LMO1: variants seen among roughly 807,000 people sequenced by gnomAD.
LMO1 encodes the protein rhombotin-1.
A neutral mutation model predicts 18.0 loss-of-function variants in LMO1; 10 were observed. The ratio of observed to expected loss-of-function variants is 0.55; its 90% CI spans 0.34 to 0.94. LMO1 has a LOEUF of 0.94. LMO1 is among the 40% of genes least tolerant of loss of function. The pLI, the probability that LMO1 is intolerant of heterozygous loss-of-function variation, is 0.02. For missense variants in LMO1, 183 were observed against 205.7 expected (o/e 0.89, Z 0.68); for synonymous variants, 77 against 77.9 (o/e 0.99, Z 0.06).
chr11:8,252,334 G>A (rs1847016014), intron 1 of LMO1, among the ~76,000 whole-genome samples: 1 of 152,122 alleles, frequency 6.6e-6, no homozygotes, highest in Non-Finnish European at 1.5e-5. Flanking sequence ...AGGTGACCCA[G>A]GAGTCCTCCT....
chr11:8,258,775 A>G (rs1565188456), intron 1 of LMO1, among the ~76,000 whole-genome samples: 2 of 152,194 alleles, frequency 1.3e-5, no homozygotes, highest in African/African-American at 4.8e-5. Context: ...TGCTAAAGGC[A>G]TCTTTGAGGA....
chr11:8,236,193 ATT>A (rs36082497), intron 1 of LMO1, among the ~76,000 whole-genome samples: 15 of 144,188 alleles, frequency 1.0e-4, no homozygotes, highest in Non-Finnish European at 1.2e-4. Context: ...TAGCCTTGGT[ATT>A]TTTTTTTTTT....
intron 1 of LMO1, among the ~76,000 whole-genome samples, chr11:8,259,730 T>A (rs3794010): frequency 0.26 from 39,913 of 151,968 alleles, 5,393 homozygotes; most frequent in Non-Finnish European, 0.28. Context: ...AGAACATGAG[T>A]GTCTATCCTA....
intron 1 of LMO1, among the ~76,000 whole-genome samples, chr11:8,262,978 A>T (rs1318862995): frequency 6.6e-6 from 1 of 152,116 alleles, no homozygotes; most frequent in Non-Finnish European, 1.5e-5. Flanking sequence ...GCAGCCTCAG[A>T]CACGAAATGC....
chr11:8,262,783 C>T (rs1847208271), intron 1 of LMO1, among the ~76,000 whole-genome samples: 1 of 152,216 alleles, frequency 6.6e-6, no homozygotes, highest in South Asian at 2.1e-4. Flanking sequence ...CAGATGTCCC[C>T]CGGAGGGTCC....
At chr11:8,260,976 G>A (rs1400083435) in intron 1 of LMO1, among the ~76,000 whole-genome samples, 2 of 152,174 alleles carry the variant, frequency 1.3e-5, no homozygotes, top group Non-Finnish European at 2.9e-5. Flanking sequence ...TGGTTTGGAG[G>A]AGCAGATGAG....
upstream of LMO1, chr11:8,268,317 C>T: frequency 1.1e-6 from 1 of 938,564 alleles, no homozygotes; most frequent in Non-Finnish European, 1.5e-6. Flanking sequence ...CCCGCGGGTG[C>T]TGAGGGCTCT....
At chr11:8,266,608 G>A (rs1847263842), upstream of LMO1, among the ~76,000 whole-genome samples, 1 of 152,236 alleles carries the variant, frequency 6.6e-6, no homozygotes, top group South Asian at 2.1e-4. Flanking sequence ...TAAGGAGAAA[G>A]TGGGTGCTAC....
At chr11:8,240,359 A>C (rs1054801038) in intron 1 of LMO1, among the ~76,000 whole-genome samples, 2 of 152,152 alleles carry the variant, frequency 1.3e-5, no homozygotes, top group Non-Finnish European at 2.9e-5. Flanking sequence ...CCATGACATA[A>C]AGGGACTGAG....
Position 8,224,648 on chromosome 11 carries a change from G to A in LMO1, c.439C>T (p.Leu147Phe), listed in dbSNP as rs1194536551. ...LCQMDYEEGQ[L>F]NGTFESQVQ ...ACTTGGGATTCAAAGGTGCCATTGA[G>A]CTGCCCTTCCTCATAGTCCATCTGA... The change falls in exon 4 of 4, where the codon CTC (leucine) becomes TTC (phenylalanine). Residue 147 changes from leucine (L) to phenylalanine (F), a missense_variant. Coordinates refer to ENST00000335790, the MANE Select transcript of LMO1 (RefSeq NM_002315.3). The A allele has an allele frequency of 1.2e-6, 2 of 1,609,862 alleles. No individual in the cohort carries two copies. The highest frequency in any genetic ancestry group is 1.7e-6 in the Non-Finnish European group (2 of 1,177,802).
intron 1 of LMO1, among the ~76,000 whole-genome samples, chr11:8,235,608 A>G (rs931610400): frequency 2.6e-5 from 4 of 152,218 alleles, no homozygotes; most frequent in African/African-American, 9.6e-5. Context: ...TGTCAAGTTT[A>G]GTCTACTTAC....
rs1952492002 is a variant in LMO1, at chr11:8,224,311, C to A, written c.*305G>T. The A allele has an allele frequency of 2.5e-6, 1 of 395,354 alleles. No homozygotes were observed. The allele number at this position is 395,354 out of a possible 1,614,324, so 24.5% of individuals were successfully genotyped here. On this transcript the variant is annotated 3_prime_UTR_variant, in exon 4 of 4. Coordinates refer to ENST00000335790, the MANE Select transcript of LMO1 (RefSeq NM_002315.3). The stretch of plus-strand genomic sequence containing the variant: ...CATGTGAACAACGCAGAGTAACCTC[C>A]CGGAAACATTCATAAGTTTAATCCA...
chr11:8,268,279 C>T, upstream of LMO1: 1 of 550,816 alleles, frequency 1.8e-6, no homozygotes, highest in African/African-American at 2.0e-5. Flanking sequence ...GCCGCGCTTC[C>T]GGGAAGCCAC....
chr11:8,238,247 A>G (rs1952795867), intron 1 of LMO1, among the ~76,000 whole-genome samples: 3 of 152,258 alleles, frequency 2.0e-5, no homozygotes, highest in Admixed American at 1.3e-4. Flanking sequence ...TGAATTACTA[A>G]TATATACTAC....
At chr11:8,228,943 A>G (rs1952600389) in intron 2 of LMO1, among the ~76,000 whole-genome samples, 1 of 152,138 alleles carries the variant, frequency 6.6e-6, no homozygotes, top group Non-Finnish European at 1.5e-5. Context: ...GCTGGAGTAC[A>G]GTGGCGCAAT....
chr11:8,263,511 T>C lies in LMO1; in HGVS notation c.-149A>G. On this transcript the variant is annotated 5_prime_UTR_variant, in exon 1 of 4. Transcript: ENST00000335790. ...GCTCTTAACCTAGATTGCACTCAGC[T>C]AGAATTACATTCAGGAGTGAAGCAC... The C allele has an allele frequency of 7.0e-7, 1 of 1,424,702 alleles. No individual in the cohort carries two copies. The highest frequency in any genetic ancestry group is 1.5e-5 in the African/African-American group (1 of 67,488). The allele number at this position is 1,424,702 out of a possible 1,614,324, so 88.3% of individuals were successfully genotyped here.
intron 1 of LMO1, among the ~76,000 whole-genome samples, chr11:8,249,947 A>G (rs538130911): frequency 6.6e-6 from 1 of 152,248 alleles, no homozygotes; most frequent in African/African-American, 2.4e-5. Context: ...AGGATTTTTC[A>G]TCAAGAAAGT....
At chr11:8,243,089 C>T (rs1036147161) in intron 1 of LMO1, among the ~76,000 whole-genome samples, 6 of 152,150 alleles carry the variant, frequency 3.9e-5, no homozygotes, top group Admixed American at 1.3e-4. Flanking sequence ...AATCCAGGCC[C>T]CACCCCCAAG....
chr11:8,263,939 G>A, upstream of LMO1: 1 of 948,088 alleles, frequency 1.1e-6, no homozygotes, highest in African/African-American at 1.8e-5. Context: ...CACCCTCCCG[G>A]GTTAATGGGG....
Sources: allele counts gnomAD v4.1 joint callset (sites outside exome capture counted in the v4.1 genomes callset), GRCh38; gene constraint gnomAD v4.1.1; transcripts MANE v1.5; gene names NCBI Gene and HGNC (gene_info 2026-07-23, HGNC 2026-07-21).